Variants in IGF1 observed in about 807,000 individuals in gnomAD.
IGF1 encodes the protein insulin like growth factor 1, also known as insulin-like growth factor 1.
Under a neutral mutation model 13.8 loss-of-function variants are expected in IGF1, and 4 were observed. The observed-to-expected ratio is 0.29, with a 90% CI of 0.14 to 0.66. The LOEUF (loss-of-function observed/expected upper bound fraction) is 0.66. Among genes scored for constraint, IGF1 ranks in the 30% least tolerant of loss-of-function variants. The pLI is 0.78. For missense variants in IGF1, 124 were observed against 188.5 expected (o/e 0.66, Z 2.00); for synonymous variants, 76 against 72.6 (o/e 1.05, Z -0.23).
chr12:102,468,831 G>A (rs1400128647), intron 2 of IGF1, among the ~76,000 whole-genome samples: 1 of 152,202 alleles, frequency 6.6e-6, no homozygotes, highest in Non-Finnish European at 1.5e-5. Context: ...GGCTGTTATC[G>A]AGAACAATGA....
intron 2 of IGF1, among the ~76,000 whole-genome samples, chr12:102,419,988 T>C (rs1217831310): frequency 1.3e-5 from 2 of 152,214 alleles, no homozygotes; most frequent in Admixed American, 6.5e-5. Context: ...ATCCTAGTCT[T>C]TTCTTATATA....
chr12:102,440,439 TCTC>T (rs1246178995), intron 2 of IGF1, among the ~76,000 whole-genome samples: 1 of 152,146 alleles, frequency 6.6e-6, no homozygotes, highest in Non-Finnish European at 1.5e-5. Context: ...TCCAGACCCA[TCTC>T]CTTGCTACTC....
Position 102,398,217 on chromosome 12 carries a change from A to G in IGF1, c.*4290T>C, listed in dbSNP as rs1338708395. On this transcript the variant is annotated 3_prime_UTR_variant, in exon 4 of 4. Transcript: ENST00000337514. Reference sequence around the variant, plus strand: ...CCATCTCATAAGGAAATACTTTCCAACATTTCCCAAATGAGATCAGTGATT... The same window carrying G: ...CCATCTCATAAGGAAATACTTTCCAGCATTTCCCAAATGAGATCAGTGATT... The G allele has an allele frequency of 2.6e-5, 4 of 152,638 alleles. No individual in the cohort carries two copies. Among genetic ancestry groups the G allele is most frequent in the African/African-American group, 9.6e-5 (4 of 41,460 alleles). 9.5% of individuals were successfully genotyped at this position (152,638 alleles called of 1,614,324 possible).
chr12:102,480,208 C>T (rs1002243539), intron 1 of IGF1, 111 bp downstream of exon 1: 4 of 1,032,868 alleles, frequency 3.9e-6, no homozygotes, highest in Non-Finnish European at 4.4e-6. Flanking sequence ...AAATAACTCT[C>T]GGTTCCGAAA....
intron 2 of IGF1, among the ~76,000 whole-genome samples, chr12:102,420,964 G>A (rs1034312431): frequency 6.6e-6 from 1 of 152,174 alleles, no homozygotes. Flanking sequence ...TTGAGGATAG[G>A]GTTTGGAAAG....
At chr12:102,408,351 C>T (rs1874347991) in intron 3 of IGF1, among the ~76,000 whole-genome samples, 1 of 152,148 alleles carries the variant, frequency 6.6e-6, no homozygotes, top group Admixed American at 6.5e-5. Flanking sequence ...AGTTCAAATT[C>T]CAGGAGAGTT....
intron 3 of IGF1, chr12:102,417,935 T>C (rs1346860021): frequency 1.2e-6 from 2 of 1,613,876 alleles, no homozygotes; most frequent in Admixed American, 3.3e-5. Context: ...GTTCCCCTCC[T>C]GGATGTGTCT....
At chr12:102,431,252 C>T (rs901850721) in intron 2 of IGF1, among the ~76,000 whole-genome samples, 4 of 152,178 alleles carry the variant, frequency 2.6e-5, no homozygotes, top group Admixed American at 6.5e-5. Context: ...GAAGCGTGAA[C>T]GCTTGAAAAG....
At chr12:102,429,591 C>G (rs1876557896) in intron 2 of IGF1, among the ~76,000 whole-genome samples, 1 of 152,206 alleles carries the variant, frequency 6.6e-6, no homozygotes, top group African/African-American at 2.4e-5. Flanking sequence ...TTTATTTCAT[C>G]TGGGACCAAC....
intron 2 of IGF1, among the ~76,000 whole-genome samples, chr12:102,450,159 T>C (rs1878789746): frequency 6.6e-6 from 1 of 152,304 alleles, no homozygotes; most frequent in Non-Finnish European, 1.5e-5. Context: ...TTCCCAGGGT[T>C]TTTATATTAT....
At chr12:102,480,939 G>T (rs1046895926), upstream of IGF1, among the ~76,000 whole-genome samples, 5 of 152,102 alleles carry the variant, frequency 3.3e-5, no homozygotes, top group African/African-American at 1.2e-4. Context: ...AGATTCTAGA[G>T]CAAATGCATT....
chr12:102,427,504 C>T (rs1449368252), intron 2 of IGF1, among the ~76,000 whole-genome samples: 1 of 152,204 alleles, frequency 6.6e-6, no homozygotes, highest in Non-Finnish European at 1.5e-5. Context: ...TAACTTGGCA[C>T]CTGCCCTCTG....
intron 1 of IGF1, among the ~76,000 whole-genome samples, chr12:102,477,434 T>C (rs572127206): frequency 6.6e-6 from 1 of 152,020 alleles, no homozygotes; most frequent in African/African-American, 2.4e-5. Flanking sequence ...AACTGAACAT[T>C]TACTGCATTT....
intron 2 of IGF1, among the ~76,000 whole-genome samples, chr12:102,462,178 C>A (rs1411254096): frequency 6.6e-6 from 1 of 152,180 alleles, no homozygotes; most frequent in African/African-American, 2.4e-5. Context: ...TCCCCTTAGA[C>A]AATTTGTTAA....
chr12:102,399,077 T>G lies in IGF1; in HGVS notation c.*3430A>C, dbSNP rs1012523842. On this transcript the variant is annotated 3_prime_UTR_variant, in exon 4 of 4. Transcript: ENST00000337514. The stretch of plus-strand genomic sequence containing the variant: ...TAAAATTTTCAAGGAAGTGATTTCT[T>G]TTCAGTATTCCATTGGATCCTTAGG... 2 of 152,254 alleles carry G rather than the reference T, an allele frequency of 1.3e-5. No homozygotes were observed. Among genetic ancestry groups the G allele is most frequent in the East Asian group, 3.9e-4 (2 of 5,160 alleles). 9.4% of individuals were successfully genotyped at this position (152,254 alleles called of 1,614,324 possible).
At chr12:102,444,384 T>C (rs1028840948) in intron 2 of IGF1, among the ~76,000 whole-genome samples, 1 of 152,016 alleles carries the variant, frequency 6.6e-6, no homozygotes, top group African/African-American at 2.4e-5. Flanking sequence ...CACCTTTGTA[T>C]TGACAATACT....
rs572400740 is a variant in IGF1, at chr12:102,463,870, C to T, written c.220+11773G>A. ...CAGTAGCTCCAGCTTTTCCGACCAA[C>T]TTTTGTGACCTCATGCACATCATGT... is the stretch of plus-strand genomic sequence containing the variant. On this transcript the variant is annotated intron_variant, in intron 2 of 3. Transcript: ENST00000337514. Among the ~76,000 whole-genome samples the T allele has an allele frequency of 3.3e-5, 5 of 152,362 alleles. No homozygotes were observed. The East Asian group carries it at 9.7e-4, about 29-fold the overall frequency.
At chr12:102,464,968 T>G (rs557953361) in intron 2 of IGF1, among the ~76,000 whole-genome samples, 111 of 152,152 alleles carry the variant, frequency 7.3e-4, no homozygotes, top group Admixed American at 1.4e-3. Context: ...GGGAACAAAG[T>G]CTTTAAGCAA....
At position 102,401,886 on chromosome 12, in the gene IGF1, G is replaced by A. The variant is rs1396983663; in HGVS notation, c.*621C>T. 6.6e-6 allele frequency: 1 copy of A among 152,576 alleles called. No homozygotes were observed. Among genetic ancestry groups the A allele is most frequent in the Non-Finnish European group, 1.5e-5 (1 of 68,030 alleles). The allele number at this position is 152,576 out of a possible 1,614,324, so 9.5% of individuals were successfully genotyped here. ...TAAAGCTTTGTGTCTAAAATAAAAT[G>A]CATCCAACTTATATTTGGTACAAAT... On this transcript the variant is annotated 3_prime_UTR_variant, in exon 4 of 4. Coordinates refer to ENST00000337514, the MANE Select transcript of IGF1 (RefSeq NM_000618.5).
Sources: allele counts gnomAD v4.1 joint callset (sites outside exome capture counted in the v4.1 genomes callset), GRCh38; gene constraint gnomAD v4.1.1; transcripts MANE v1.5; gene names NCBI Gene and HGNC (gene_info 2026-07-23, HGNC 2026-07-21).